Variants in HEATR5A observed in about 807,000 individuals in gnomAD.
HEATR5A encodes the protein HEAT repeat containing 5A.
A neutral mutation model predicts 218.8 loss-of-function variants in HEATR5A; 178 were observed. That is an observed-to-expected ratio of 0.81 (90% CI 0.72 to 0.92). The LOEUF (loss-of-function observed/expected upper bound fraction) is 0.92, where lower values mean the gene tolerates loss of function less well. Among genes scored for constraint, HEATR5A ranks in the 40% least tolerant of loss-of-function variants. The pLI, the probability that HEATR5A is intolerant of heterozygous loss-of-function variation, is 0.00. For synonymous variants in HEATR5A, 864 were observed against 871.6 expected, an observed-to-expected ratio of 0.99 and a Z score of 0.15; for missense variants, 2,420 against 2,418.9, an observed-to-expected ratio of 1.00 and a Z score of -0.01.
chr14:31,310,662 GTAAA>G (rs1370077422), intron 28 of HEATR5A, among the ~76,000 whole-genome samples: 5 of 151,750 alleles, frequency 3.3e-5, no homozygotes, highest in East Asian at 1.9e-4. Context: ...AAATAAATAA[GTAAA>G]TAAATAAATA....
chr14:31,356,231 C>T (rs10140697), intron 16 of HEATR5A, among the ~76,000 whole-genome samples: 148,469 of 152,222 alleles, frequency 0.98, 72,487 homozygotes, highest in Middle Eastern at 1. Flanking sequence ...TCTTGCCAGG[C>T]CACTTCTTTA....
intron 9 of HEATR5A, among the ~76,000 whole-genome samples, chr14:31,385,720 T>A (rs893470868): frequency 6.6e-6 from 1 of 152,018 alleles, no homozygotes; most frequent in Non-Finnish European, 1.5e-5. Context: ...AACTTCATGG[T>A]AAGTGATTTA....
In HEATR5A at chr14:31,344,067, TA is replaced by T; in HGVS notation, c.3059-3del. Reference sequence around the variant, plus strand: ...AGGTAGAAATTGAAGTACTGTTACCTAAAATAAAAAGCAGAAAGCTTTTAAT... The same window carrying T: ...AGGTAGAAATTGAAGTACTGTTACCTAAATAAAAAGCAGAAAGCTTTTAAT... On this transcript the variant is annotated splice_region_variant and splice_polypyrimidine_tract_variant and intron_variant, in intron 20 of 35. Transcript: ENST00000543095. 1 of 1,490,614 alleles carries T rather than the reference TA, an allele frequency of 6.7e-7. No homozygotes were observed. Among genetic ancestry groups the T allele is most frequent in the Non-Finnish European group, 9.0e-7 (1 of 1,114,644 alleles). 92.3% of individuals were successfully genotyped at this position (1,490,614 alleles called of 1,614,324 possible).
chr14:31,357,407 A>G (rs1186776288), intron 16 of HEATR5A, among the ~76,000 whole-genome samples: 2 of 152,228 alleles, frequency 1.3e-5, no homozygotes, highest in Non-Finnish European at 2.9e-5. Context: ...AAAAGCTATG[A>G]TCTAGTCAAA....
chr14:31,330,009 C>T (rs1054697151), intron 22 of HEATR5A, among the ~76,000 whole-genome samples: 2 of 152,204 alleles, frequency 1.3e-5, no homozygotes, highest in African/African-American at 4.8e-5. Flanking sequence ...TCATGCCCGG[C>T]CTTGACAGTG....
chr14:31,417,931 C>T (rs190309827), intron 1 of HEATR5A, among the ~76,000 whole-genome samples: 15 of 152,056 alleles, frequency 9.9e-5, no homozygotes, highest in Non-Finnish European at 1.3e-4. Context: ...TGAGGCTGGG[C>T]GCAGTGGCTC....
At chr14:31,400,170 T>C (rs543427459) in intron 3 of HEATR5A, 131 bp downstream of exon 3, 17 of 568,538 alleles carry the variant, frequency 3.0e-5, no homozygotes, top group African/African-American at 2.4e-4. Context: ...TTTTTTAAGT[T>C]AGATTTTGAA....
intron 28 of HEATR5A, among the ~76,000 whole-genome samples, chr14:31,312,128 A>C (rs569699490): frequency 6.6e-6 from 1 of 152,310 alleles, no homozygotes; most frequent in South Asian, 2.1e-4. Flanking sequence ...GGCAAGGAGA[A>C]ACAAGAAAGT....
At chr14:31,313,966 GAGA>G (rs142960939) in intron 27 of HEATR5A, among the ~76,000 whole-genome samples, 1,882 of 152,060 alleles carry the variant, frequency 0.012, 47 homozygotes, top group African/African-American at 0.043. Flanking sequence ...TTATTTTTTT[GAGA>G]AGAAGTCTCA....
chr14:31,333,810 T>C (rs961815325), intron 22 of HEATR5A, among the ~76,000 whole-genome samples: 4 of 151,372 alleles, frequency 2.6e-5, no homozygotes, highest in Non-Finnish European at 4.4e-5. Context: ...GGCAGGTGGA[T>C]CACTTGAGCC....
chr14:31,331,747 G>A (rs368122840), intron 22 of HEATR5A, among the ~76,000 whole-genome samples: 1 of 152,184 alleles, frequency 6.6e-6, no homozygotes, highest in South Asian at 2.1e-4. Context: ...AATCATGGTG[G>A]AAGGGGAAGA....
chr14:31,343,011 C>T (rs1900887788), intron 21 of HEATR5A, among the ~76,000 whole-genome samples: 1 of 151,936 alleles, frequency 6.6e-6, no homozygotes, highest in African/African-American at 2.4e-5. Context: ...TTTGAAAAGC[C>T]ATGGTGCCAA....
intron 22 of HEATR5A, among the ~76,000 whole-genome samples, chr14:31,331,552 A>G (rs1400828824): frequency 1.3e-5 from 2 of 152,052 alleles, no homozygotes; most frequent in Non-Finnish European, 1.5e-5. Flanking sequence ...CTATTACCCA[A>G]TTCTAAAGCT....
At chr14:31,343,435 T>C (rs1247777063) in intron 21 of HEATR5A, among the ~76,000 whole-genome samples, 8 of 152,194 alleles carry the variant, frequency 5.3e-5, no homozygotes, top group Admixed American at 4.6e-4. Context: ...GGCCTTTATC[T>C]TTCTACATTC....
In HEATR5A at chr14:31,371,871, T is replaced by A. The variant is rs747609967; in HGVS notation, c.1900A>T (p.Thr634Ser). The change falls in exon 13 of 36, where the codon ACT (threonine) becomes TCT (serine). Residue 634 changes from threonine to serine, a missense_variant. Transcript: ENST00000543095. Reference protein sequence around the residue: ...SFVSHCGDLLTEEVTQRLLPP... With the variant: ...SFVSHCGDLLSEEVTQRLLPP... ...AGAAGACGCTGAGTTACTTCCTCAG[T>A]AAGAAGATCACCACAGTGGGAAACA... is the stretch of plus-strand genomic sequence containing the variant. 6.4e-7 allele frequency: 1 copy of A among 1,552,418 alleles called. No homozygotes were observed. Among genetic ancestry groups the A allele is most frequent in the South Asian group, 1.2e-5 (1 of 83,378 alleles).
At chr14:31,350,802 G>A (rs1595125730) in intron 16 of HEATR5A, 85 bp from the exon 17 acceptor site, 1 of 740,450 alleles carries the variant, frequency 1.4e-6, no homozygotes. Flanking sequence ...GTTTGAGACG[G>A]AGTCTCACTC....
rs368290435 is a variant in HEATR5A, at chr14:31,388,841, C to T, written c.933+4G>A. 1.9e-6 allele frequency: 3 copies of T among 1,612,552 alleles called. No individual in the cohort carries two copies. The highest frequency in any genetic ancestry group is 2.7e-5 in the African/African-American group (2 of 74,836). On this transcript the variant is annotated splice_donor_region_variant and intron_variant, in intron 7 of 35. Coordinates refer to ENST00000543095, the MANE Select transcript of HEATR5A (RefSeq NM_015473.4). The stretch of plus-strand genomic sequence containing the variant: ...AGACTGAGATACTGATTTGTGATTC[C>T]AACCTGAGTAACTCCAACTCGAACA...
In HEATR5A at chr14:31,386,588, C is replaced by T. The variant is rs1207439484; in HGVS notation, c.1190-13G>A. The stretch of plus-strand genomic sequence containing the variant: ...CTCATTACGGCATCTGATAGAAATG[C>T]AAGAATTAACTATGCATAACCACTG... On this transcript the variant is annotated splice_polypyrimidine_tract_variant and intron_variant, in intron 8 of 35. Transcript: ENST00000543095. 2.6e-6 allele frequency: 4 copies of T among 1,562,104 alleles called. No individual in the cohort carries two copies. The East Asian group carries it at 6.8e-5, about 27-fold the overall frequency.
chr14:31,339,493 A>T (rs1383619057), intron 21 of HEATR5A, among the ~76,000 whole-genome samples: 1 of 151,126 alleles, frequency 6.6e-6, no homozygotes, highest in East Asian at 1.9e-4. Flanking sequence ...AAGAAGAAAC[A>T]CATGCAAAGA....
Sources: gnomAD v4.1 joint callset for allele counts (sites outside exome capture counted in the v4.1 genomes callset) on GRCh38, gnomAD v4.1.1 for gene constraint, MANE v1.5 for transcripts, NCBI Gene and HGNC (gene_info 2026-07-23, HGNC 2026-07-21) for gene names.